NR1H4: variants seen among roughly 807,000 people sequenced by gnomAD.
NR1H4 encodes the protein nuclear receptor subfamily 1 group H member 4, also known as bile acid receptor.
NR1H4 carries 23 observed loss-of-function variants against 58.5 expected under a neutral mutation model. The ratio of observed to expected loss-of-function variants is 0.39; its 90% CI spans 0.28 to 0.56. NR1H4 has a LOEUF of 0.56. Among genes scored for constraint, NR1H4 ranks in the 20% least tolerant of loss-of-function variants. NR1H4 has a pLI of 0.58. For missense variants in NR1H4, 487 were observed against 576.9 expected (o/e 0.84, Z 1.60); for synonymous variants, 214 against 198.0 (o/e 1.08, Z -0.68).
intron 3 of NR1H4, among the ~76,000 whole-genome samples, chr12:100,497,376 C>T (rs866312461): frequency 6.6e-6 from 1 of 151,994 alleles, no homozygotes; most frequent in African/African-American, 2.4e-5. Flanking sequence ...CATCTGAGCT[C>T]GTGTATGATC....
At chr12:100,513,430 C>T (rs969588447) in intron 4 of NR1H4, among the ~76,000 whole-genome samples, 3 of 152,020 alleles carry the variant, frequency 2.0e-5, no homozygotes, top group Admixed American at 6.6e-5. Context: ...CTGTGGAGAT[C>T]GAGATCTGCT....
chr12:100,522,665 T>C (rs1175011488), intron 4 of NR1H4, among the ~76,000 whole-genome samples: 1 of 152,152 alleles, frequency 6.6e-6, no homozygotes, highest in Non-Finnish European at 1.5e-5. Context: ...CACCAGAGTG[T>C]ATACATTTTA....
intron 3 of NR1H4, among the ~76,000 whole-genome samples, chr12:100,501,676 A>T (rs1369375649): frequency 6.6e-6 from 1 of 152,212 alleles, no homozygotes; most frequent in Middle Eastern, 3.2e-3. Context: ...AAGGCTATAG[A>T]AATGTCTTAG....
Position 100,564,310 on chromosome 12 carries a change from C to T in NR1H4, c.*821C>T, listed in dbSNP as rs1955531638. On this transcript the variant is annotated 3_prime_UTR_variant, in exon 11 of 11. Transcript: ENST00000392986. ...CTGGGAGCACAGCTGCTGTATACTT[C>T]CCCCAAAGCAGGAATTAGTTCATTT... is the stretch of plus-strand genomic sequence containing the variant. 6.6e-6 allele frequency: 1 copy of T among 152,164 alleles called. No homozygotes were observed. Among genetic ancestry groups the T allele is most frequent in the Non-Finnish European group, 1.5e-5 (1 of 68,036 alleles). The allele number at this position is 152,164 out of a possible 1,614,324, so 9.4% of individuals were successfully genotyped here. A position where few individuals can be genotyped will look rare whatever the true frequency, so the allele number is the denominator to read the frequency against.
chr12:100,494,227 G>A (rs1246804000), intron 3 of NR1H4, among the ~76,000 whole-genome samples: 1 of 152,176 alleles, frequency 6.6e-6, no homozygotes, highest in Non-Finnish European at 1.5e-5. Context: ...TTATTTGGTT[G>A]CTGATATTCC....
chr12:100,552,482 C>T (rs1955224675), intron 9 of NR1H4, among the ~76,000 whole-genome samples: 1 of 152,204 alleles, frequency 6.6e-6, no homozygotes, highest in Non-Finnish European at 1.5e-5. Flanking sequence ...GCCTTAATGG[C>T]ATCCCTTGTC....
intron 3 of NR1H4, among the ~76,000 whole-genome samples, chr12:100,500,803 C>T (rs146432471): frequency 1.2e-3 from 181 of 152,228 alleles, no homozygotes; most frequent in African/African-American, 4.0e-3. Context: ...CCTTCTACCA[C>T]GATTATAAGT....
At chr12:100,521,235 T>G (rs184824440) in intron 4 of NR1H4, among the ~76,000 whole-genome samples, 1 of 152,196 alleles carries the variant, frequency 6.6e-6, no homozygotes, top group Admixed American at 6.5e-5. Context: ...TGTCTCAGTG[T>G]TTTATTTGTC....
chr12:100,498,328 G>C (rs1251936189), intron 3 of NR1H4, among the ~76,000 whole-genome samples: 1 of 152,154 alleles, frequency 6.6e-6, no homozygotes, highest in Non-Finnish European at 1.5e-5. Flanking sequence ...CTTTCAAGGG[G>C]CCAGAGAGAA....
intron 9 of NR1H4, among the ~76,000 whole-genome samples, chr12:100,543,579 G>C (rs1954987999): frequency 6.6e-6 from 1 of 152,044 alleles, no homozygotes; most frequent in South Asian, 2.1e-4. Context: ...GTGTGTGTGT[G>C]TGTGTGTGTC....
chr12:100,522,739 A>G (rs1407693353), intron 4 of NR1H4, among the ~76,000 whole-genome samples: 1 of 152,068 alleles, frequency 6.6e-6, no homozygotes, highest in African/African-American at 2.4e-5. Context: ...TCTGAAGTCT[A>G]TTATACACTC....
intron 9 of NR1H4, among the ~76,000 whole-genome samples, chr12:100,546,625 G>A (rs371293356): frequency 6.6e-6 from 1 of 152,084 alleles, no homozygotes; most frequent in African/African-American, 2.4e-5. Flanking sequence ...AACCCAGGAG[G>A]TGGAGGCAGC....
chr12:100,481,844 G>A (rs1389960898), intron 1 of NR1H4, among the ~76,000 whole-genome samples: 1 of 152,060 alleles, frequency 6.6e-6, no homozygotes, highest in Non-Finnish European at 1.5e-5. Flanking sequence ...AACCCAGGAG[G>A]CGGAGCTTGC....
At chr12:100,518,062 C>T (rs1954312255) in intron 4 of NR1H4, among the ~76,000 whole-genome samples, 1 of 152,186 alleles carries the variant, frequency 6.6e-6, no homozygotes, top group South Asian at 2.1e-4. Context: ...AGTGTCTAAG[C>T]CAAGGGAATG....
rs559770780 is a variant in NR1H4, at chr12:100,489,677, T to C, written c.-189-2826T>C. ...ACAGTATTTGAAGGCCCTTTTATAC[T>C]GAAGAGTGAGAACAATATTCTGGAA... On this transcript the variant is annotated intron_variant, in intron 1 of 10. Coordinates refer to ENST00000392986, the MANE Select transcript of NR1H4 (RefSeq NM_001206979.2). Among the ~76,000 whole-genome samples, 21 of 152,324 alleles carry C rather than the reference T, an allele frequency of 1.4e-4. 1 individual carries two copies. The South Asian group carries it at 3.9e-3, about 29-fold the overall frequency.
At position 100,536,620 on chromosome 12, in the gene NR1H4, A is replaced by C; in HGVS notation, c.831+10A>C. ...AATAACAAATAAAATTGTATGTATA[A>C]TATCTGAAAATATGTGGGTTTAAAG... On this transcript the variant is annotated intron_variant, in intron 7 of 10. Transcript: ENST00000392986. The C allele has an allele frequency of 7.4e-7, 1 of 1,357,208 alleles. No individual in the cohort carries two copies. Among genetic ancestry groups the C allele is most frequent in the Admixed American group, 1.7e-5 (1 of 59,552 alleles). The allele number at this position is 1,357,208 out of a possible 1,614,324, so 84.1% of individuals were successfully genotyped here. A position where few individuals can be genotyped will look rare whatever the true frequency, so the allele number is the denominator to read the frequency against.
At position 100,533,890 on chromosome 12, in the gene NR1H4, C is replaced by CTTTTTTTTTTTTTT. The variant is rs758465149; in HGVS notation, c.599-999_599-986dup. The stretch of plus-strand genomic sequence containing the variant: ...GTTTTACATTATTTTTAATAGCTCT[C>CTTTTTTTTTTTTTT]TTTTTTTTTTTTTTGTTGAGACGGA... On this transcript the variant is annotated intron_variant, in intron 5 of 10. Transcript: ENST00000392986. Among the ~76,000 whole-genome samples the CTTTTTTTTTTTTTT allele has an allele frequency of 4.8e-3, 685 of 143,176 alleles. 5 individuals are homozygous for CTTTTTTTTTTTTTT. Among genetic ancestry groups the CTTTTTTTTTTTTTT allele is most frequent in the Middle Eastern group, 7.6e-3 (2 of 262 alleles). The allele number at this position is 143,176 out of a possible 152,430, so 93.9% of individuals were successfully genotyped here.
At chr12:100,531,954 C>T (rs367713342) in intron 4 of NR1H4, among the ~76,000 whole-genome samples, 2 of 152,300 alleles carry the variant, frequency 1.3e-5, no homozygotes, top group South Asian at 4.1e-4. Flanking sequence ...TAGCTCAGTG[C>T]TCACTCCCTA....
At chr12:100,536,327 A>G (rs79372913) in intron 6 of NR1H4, among the ~76,000 whole-genome samples, 185 bp from the exon 7 acceptor site, 1 of 151,992 alleles carries the variant, frequency 6.6e-6, no homozygotes, top group East Asian at 1.9e-4. Context: ...GTGAAATGTG[A>G]TATGGCCTGC....
Sources: gnomAD v4.1 joint callset for allele counts (sites outside exome capture counted in the v4.1 genomes callset) on GRCh38, gnomAD v4.1.1 for gene constraint, MANE v1.5 for transcripts, NCBI Gene and HGNC (gene_info 2026-07-23, HGNC 2026-07-21) for gene names.